Variants in GABRA1 observed in about 807,000 individuals in gnomAD.
GABRA1 encodes the protein gamma-aminobutyric acid type A receptor subunit alpha1, also known as gamma-aminobutyric acid receptor subunit alpha-1.
In GABRA1, 9 loss-of-function variants were observed where a neutral mutation model predicts 48.9. That is an observed-to-expected ratio of 0.18 (90% CI 0.11 to 0.32). GABRA1 has a LOEUF of 0.32. Among genes scored for constraint, GABRA1 ranks in the 10% least tolerant of loss-of-function variants. GABRA1 has a pLI of 1.00. For missense variants in GABRA1, 285 were observed against 553.8 expected, an observed-to-expected ratio of 0.51 and a Z score of 4.87; for synonymous variants, 210 against 198.7, an observed-to-expected ratio of 1.06 and a Z score of -0.48.
chr5:161,897,375 T>C lies in GABRA1; in HGVS notation c.1324T>C (p.Tyr442His), dbSNP rs1372921536. ...GIFNLVYWAT[Y>H]LNREPQLKAP... is the part of the protein sequence containing the mutation. ...CTTTAACTTAGTCTACTGGGCTACG[T>C]ATTTAAACAGAGAGCCTCAGCTAAA... The change falls in exon 10 of 10, where the codon TAT (tyrosine) becomes CAT (histidine). Residue 442 changes from tyrosine to histidine, a missense_variant. Transcript: ENST00000393943. 1 of 1,614,030 alleles carries C rather than the reference T, an allele frequency of 6.2e-7. No homozygotes were observed. Among genetic ancestry groups the C allele is most frequent in the Non-Finnish European group, 8.5e-7 (1 of 1,180,010 alleles).
chr5:161,880,855 C>T (rs1367410429), intron 6 of GABRA1, among the ~76,000 whole-genome samples: 1 of 152,118 alleles, frequency 6.6e-6, no homozygotes, highest in Non-Finnish European at 1.5e-5. Flanking sequence ...CTCACTATAT[C>T]TTATCTGGGG....
chr5:161,887,678 G>A (rs1754908839), intron 7 of GABRA1, among the ~76,000 whole-genome samples: 1 of 152,114 alleles, frequency 6.6e-6, no homozygotes, highest in South Asian at 2.1e-4. Flanking sequence ...ATACTTGGAA[G>A]GAAAATGACA....
chr5:161,853,331 T>C (rs1418599923), intron 2 of GABRA1, among the ~76,000 whole-genome samples: 1 of 151,832 alleles, frequency 6.6e-6, no homozygotes. Flanking sequence ...TAAATATAAA[T>C]AATTATCCCA....
intron 9 of GABRA1, among the ~76,000 whole-genome samples, chr5:161,896,798 C>A (rs1755389174): frequency 6.6e-6 from 1 of 152,088 alleles, no homozygotes; most frequent in South Asian, 2.1e-4. Flanking sequence ...CTAAGAAATT[C>A]TGTAGTAAAT....
Position 161,897,121 on chromosome 5 carries a change from T to A in GABRA1, c.1070T>A (p.Val357Glu), listed in dbSNP as rs749707253. 2 of 1,613,974 alleles carry A rather than the reference T, an allele frequency of 1.2e-6. No homozygotes were observed. Among genetic ancestry groups the A allele is most frequent in the Admixed American group, 3.3e-5 (2 of 59,980 alleles). Residue 357 changes from valine to glutamate, a missense_variant, in exon 10 of 10, where the codon GTA becomes GAA. Around this residue, in one of 6 missense-constraint regions of GABRA1, gnomAD observed 99 missense variants for 94.2 expected, o/e 1.05. Transcript: ENST00000393943. ...TCTTTCTTTCTACAGCCAAAGAAAG[T>A]AAAGGATCCTCTTATTAAGAAAAAC... The part of the protein sequence containing the change: ...KSVVPEKPKK[V>E]KDPLIKKNNT...
intron 5 of GABRA1, among the ~76,000 whole-genome samples, chr5:161,873,624 T>G (rs1037131584): frequency 1.3e-5 from 2 of 152,176 alleles, no homozygotes; most frequent in Non-Finnish European, 1.5e-5. Flanking sequence ...AACTCATATA[T>G]TCCTTCATTC....
At chr5:161,887,846 A>G (rs1754916213) in intron 7 of GABRA1, among the ~76,000 whole-genome samples, 1 of 152,114 alleles carries the variant, frequency 6.6e-6, no homozygotes, top group African/African-American at 2.4e-5. Context: ...AGATTATGTA[A>G]TTTTATCCTC....
intron 5 of GABRA1, among the ~76,000 whole-genome samples, chr5:161,875,318 C>A (rs1056671487): frequency 6.6e-6 from 1 of 152,246 alleles, no homozygotes; most frequent in African/African-American, 2.4e-5. Context: ...ATTAACAAGG[C>A]TTGCCCATTG....
At chr5:161,871,880 G>A (rs906859334) in intron 4 of GABRA1, among the ~76,000 whole-genome samples, 2 of 152,250 alleles carry the variant, frequency 1.3e-5, no homozygotes, top group Non-Finnish European at 2.9e-5. Context: ...ATAATTGTTA[G>A]TTACTTGATC....
Position 161,895,764 on chromosome 5 carries a change from G to A in GABRA1, c.955G>A (p.Val319Met), listed in dbSNP as rs2113464702. ...AACAGCTATGGATTGGTTTATTGCCGTGTGCTATGCCTTTGTGTTCTCAGC... is the reference window on the plus strand; with the variant it reads ...AACAGCTATGGATTGGTTTATTGCCATGTGCTATGCCTTTGTGTTCTCAGC... ...YATAMDWFIA[V>M]CYAFVFSALI... The change falls in exon 9 of 10, where the codon GTG becomes ATG. Residue 319 changes from valine (V) to methionine (M), a missense_variant. Physicochemically the swap from Val to Met is conservative, Grantham distance 21. Coordinates refer to ENST00000393943, the MANE Select transcript of GABRA1 (RefSeq NM_001127644.2). 7 of 1,613,846 alleles carry A rather than the reference G, an allele frequency of 4.3e-6. No homozygotes were observed. Among genetic ancestry groups the A allele is most frequent in the Non-Finnish European group, 5.1e-6 (6 of 1,179,912 alleles).
At chr5:161,856,315 C>G (rs1352432979) in intron 3 of GABRA1, among the ~76,000 whole-genome samples, 2 of 151,270 alleles carry the variant, frequency 1.3e-5, no homozygotes, top group African/African-American at 4.8e-5. Flanking sequence ...CTTTTATCAT[C>G]CAGTTAATCC....
chr5:161,870,327 C>T (rs1329680569), intron 4 of GABRA1, among the ~76,000 whole-genome samples: 1 of 151,950 alleles, frequency 6.6e-6, no homozygotes, highest in Admixed American at 6.6e-5. Flanking sequence ...TTTGGGAGGC[C>T]GAGGCGGGCG....
chr5:161,851,455 C>T (rs1757443697), intron 2 of GABRA1, among the ~76,000 whole-genome samples: 1 of 151,860 alleles, frequency 6.6e-6, no homozygotes, highest in African/African-American at 2.4e-5. Context: ...ATTAAAAAAA[C>T]AATTACTAAT....
At chr5:161,887,257 G>A (rs548158975) in intron 7 of GABRA1, among the ~76,000 whole-genome samples, 7 of 152,060 alleles carry the variant, frequency 4.6e-5, no homozygotes, top group Admixed American at 1.3e-4. Flanking sequence ...ACACAGAGTC[G>A]TCTCTGCATG....
At chr5:161,864,935 G>T (rs143074475) in intron 3 of GABRA1, among the ~76,000 whole-genome samples, 1 of 151,700 alleles carries the variant, frequency 6.6e-6, no homozygotes, top group Non-Finnish European at 1.5e-5. Context: ...CATATTTTTC[G>T]TTTTCACCCC....
intron 6 of GABRA1, among the ~76,000 whole-genome samples, chr5:161,881,518 A>T (rs191027202): frequency 6.6e-6 from 1 of 152,302 alleles, no homozygotes; most frequent in African/African-American, 2.4e-5. Context: ...ATAGAATGTA[A>T]CTCATCATCA....
At chr5:161,895,265 A>G (rs769328814) in intron 8 of GABRA1, among the ~76,000 whole-genome samples, 3 of 152,184 alleles carry the variant, frequency 2.0e-5, no homozygotes, top group Non-Finnish European at 2.9e-5. Context: ...AATATTAAAC[A>G]GAGCTGAGTA....
At chr5:161,895,609 A>G in intron 8 of GABRA1, 57 bp from the exon 9 acceptor site, 6 of 1,458,632 alleles carry the variant, frequency 4.1e-6, no homozygotes, top group South Asian at 1.2e-5. Flanking sequence ...CTGTCCCATC[A>G]TGATGAAATT....
rs547979851 is a variant in GABRA1, at chr5:161,873,608, C to T, written c.476+271C>T. Among the ~76,000 whole-genome samples the T allele has an allele frequency of 2.6e-5, 4 of 152,258 alleles. No individual in the cohort carries two copies. In the East Asian group the frequency reaches 7.7e-4, roughly 29 times the overall value. On this transcript the variant is annotated intron_variant, in intron 5 of 9. Coordinates refer to ENST00000393943, the MANE Select transcript of GABRA1 (RefSeq NM_001127644.2). ...CAATATAAGGAACTTCCTCTCCCTA[C>T]TATAAAACTCATATATTCCTTCATT...
Sources: allele counts gnomAD v4.1 joint callset (sites outside exome capture counted in the v4.1 genomes callset), GRCh38; gene constraint gnomAD v4.1.1; regional missense constraint gnomAD v4.1.1; transcripts MANE v1.5; gene names NCBI Gene and HGNC (gene_info 2026-07-23, HGNC 2026-07-21).